Variants in AFF3 observed in about 807,000 individuals in gnomAD.
AFF3 encodes the protein AF4/FMR2 family member 3.
In AFF3, 32 loss-of-function variants were observed where a neutral mutation model predicts 129.7. The ratio of observed to expected loss-of-function variants is 0.25; its 90% CI spans 0.19 to 0.33. The LOEUF is 0.33. Among genes scored for constraint, AFF3 ranks in the 10% least tolerant of loss-of-function variants. The probability of loss-of-function intolerance (pLI) is 1.00; values close to 1 mark genes in which losing one functional copy is unlikely to be tolerated. For synonymous variants in AFF3, 644 were observed against 635.4 expected, an observed-to-expected ratio of 1.01 and a Z score of -0.20; for missense variants, 1,373 against 1,592.0, an observed-to-expected ratio of 0.86 and a Z score of 2.34.
chr2:100,132,885 A>G (rs758402799), intron 1 of AFF3, among the ~76,000 whole-genome samples: 9 of 151,778 alleles, frequency 5.9e-5, no homozygotes, highest in Non-Finnish European at 1.2e-4. Flanking sequence ...TTCAAATTTG[A>G]AAGAAGAAAT....
At chr2:99,693,530 C>A (rs1675884765) in intron 11 of AFF3, among the ~76,000 whole-genome samples, 1 of 151,688 alleles carries the variant, frequency 6.6e-6, no homozygotes, top group African/African-American at 2.4e-5. Flanking sequence ...ATGATTTCAG[C>A]CAAAGAAAAA....
intron 4 of AFF3, among the ~76,000 whole-genome samples, chr2:100,063,001 A>G (rs558904604): frequency 3.4e-4 from 52 of 152,196 alleles, no homozygotes; most frequent in Admixed American, 8.5e-4. Context: ...CCGTAATCCC[A>G]CCACTTTGGG....
chr2:99,780,918 G>A (rs1399147028), intron 8 of AFF3, among the ~76,000 whole-genome samples: 1 of 152,050 alleles, frequency 6.6e-6, no homozygotes, highest in Non-Finnish European at 1.5e-5. Flanking sequence ...TCCCTGACAA[G>A]CCTCTTCTCC....
intron 3 of AFF3, chr2:100,104,789 C>A (rs1336785713): frequency 7.1e-6 from 6 of 843,728 alleles, no homozygotes; most frequent in Middle Eastern, 1.2e-3. Flanking sequence ...CGGCCCGGCC[C>A]GCTGCTGCAG....
chr2:100,112,675 G>C (rs1691559662), intron 2 of AFF3, among the ~76,000 whole-genome samples: 1 of 152,180 alleles, frequency 6.6e-6, no homozygotes, highest in South Asian at 2.1e-4. Context: ...AGGTGAAAGA[G>C]TGAGACCCTG....
intron 13 of AFF3, among the ~76,000 whole-genome samples, chr2:99,607,531 C>CAA (rs759613262): frequency 8.8e-6 from 1 of 113,920 alleles, no homozygotes. Flanking sequence ...GACTCTGTCT[C>CAA]AAAAAAAAAA....
intron 11 of AFF3, among the ~76,000 whole-genome samples, chr2:99,723,118 A>G (rs997986133): frequency 5.9e-5 from 9 of 152,186 alleles, no homozygotes; most frequent in Non-Finnish European, 1.3e-4. Flanking sequence ...CATTAATATA[A>G]CTGGAAGTCT....
At chr2:99,757,496 G>A (rs149185267) in intron 8 of AFF3, among the ~76,000 whole-genome samples, 39 of 152,166 alleles carry the variant, frequency 2.6e-4, no homozygotes, top group Non-Finnish European at 3.8e-4. Flanking sequence ...TATTATGCAC[G>A]ATTTTAAACG....
chr2:99,733,466 TA>T (rs1680007165), intron 10 of AFF3, among the ~76,000 whole-genome samples: 1 of 152,096 alleles, frequency 6.6e-6, no homozygotes, highest in Non-Finnish European at 1.5e-5. Flanking sequence ...TATCTTTGGA[TA>T]ATGTTAAGTT....
chr2:99,614,163 G>C (rs1575509641), intron 13 of AFF3, among the ~76,000 whole-genome samples: 1 of 152,132 alleles, frequency 6.6e-6, no homozygotes, highest in East Asian at 1.9e-4. Context: ...AAGGGATTAG[G>C]CCATAAAGAA....
At chr2:99,698,392 G>A (rs1295294414) in intron 11 of AFF3, among the ~76,000 whole-genome samples, 2 of 152,280 alleles carry the variant, frequency 1.3e-5, no homozygotes, top group East Asian at 3.9e-4. Context: ...GGGTGCTGGG[G>A]GGCTGTAGCC....
chr2:99,791,281 C>A (rs1399592448), intron 8 of AFF3, among the ~76,000 whole-genome samples: 2 of 152,118 alleles, frequency 1.3e-5, no homozygotes, highest in Admixed American at 1.3e-4. Flanking sequence ...CTGTGGATAC[C>A]AAAATCTACG....
At chr2:99,909,050 T>C (rs1694929310) in intron 7 of AFF3, among the ~76,000 whole-genome samples, 1 of 152,020 alleles carries the variant, frequency 6.6e-6, no homozygotes, top group South Asian at 2.1e-4. Context: ...ATGTTTACTG[T>C]GGCACTATTC....
chr2:99,945,513 C>CT (rs35072027), intron 7 of AFF3, among the ~76,000 whole-genome samples: 8 of 152,138 alleles, frequency 5.3e-5, no homozygotes, highest in Non-Finnish European at 8.8e-5. Flanking sequence ...CCCTTTTCTT[C>CT]TTTTCATGAA....
chr2:100,019,228 C>T (rs935573415), intron 4 of AFF3, among the ~76,000 whole-genome samples: 15 of 152,124 alleles, frequency 9.9e-5, no homozygotes, highest in Non-Finnish European at 2.1e-4. Flanking sequence ...GAATCCAACT[C>T]GACTTCTTTT....
At chr2:100,013,230 T>A (rs1439664048) in intron 4 of AFF3, among the ~76,000 whole-genome samples, 2 of 152,222 alleles carry the variant, frequency 1.3e-5, no homozygotes, top group Admixed American at 6.5e-5. Context: ...AATAGACGTC[T>A]AAACATGAAA....
At chr2:99,878,583 T>C (rs1010430011) in intron 7 of AFF3, among the ~76,000 whole-genome samples, 3 of 152,224 alleles carry the variant, frequency 2.0e-5, no homozygotes, top group African/African-American at 7.2e-5. Flanking sequence ...CTTGTATTTC[T>C]TCCAAGTCTC....
At chr2:100,015,384 C>T (rs1682925406) in intron 4 of AFF3, among the ~76,000 whole-genome samples, 2 of 152,106 alleles carry the variant, frequency 1.3e-5, no homozygotes, top group Non-Finnish European at 2.9e-5. Context: ...TGCTAACATG[C>T]TCCCTGGGCA....
chr2:99,792,552 C>T (rs138478492), intron 8 of AFF3, among the ~76,000 whole-genome samples: 69 of 152,232 alleles, frequency 4.5e-4, no homozygotes, highest in African/African-American at 1.6e-3. Context: ...TATATCTTTG[C>T]CTTAGCATCT....
Sources: allele counts gnomAD v4.1 joint callset (sites outside exome capture counted in the v4.1 genomes callset), GRCh38; gene constraint gnomAD v4.1.1; transcripts MANE v1.5; gene names NCBI Gene and HGNC (gene_info 2026-07-23, HGNC 2026-07-21).